ZMAT4: variants seen among roughly 807,000 people sequenced by gnomAD.
ZMAT4 encodes zinc finger matrin-type 4.
A neutral mutation model predicts 28.7 loss-of-function variants in ZMAT4; 17 were observed. The ratio of observed to expected loss-of-function variants is 0.59; its 90% confidence interval spans 0.41 to 0.89. The LOEUF is 0.89. ZMAT4 is among the 40% of genes least tolerant of loss of function. The pLI, the probability that ZMAT4 is intolerant of heterozygous loss-of-function variation, is 0.00. For missense variants in ZMAT4, 240 were observed against 283.8 expected (o/e 0.85, Z 1.11); for synonymous variants, 117 against 109.2 (o/e 1.07, Z -0.44).
At chr8:40,864,482 T>C (rs1434747368) in intron 1 of ZMAT4, among the ~76,000 whole-genome samples, 1 of 151,948 alleles carries the variant, frequency 6.6e-6, no homozygotes, top group Non-Finnish European at 1.5e-5. Flanking sequence ...CCTATGTAGG[T>C]GGGAAAAGAT....
intron 4 of ZMAT4, among the ~76,000 whole-genome samples, chr8:40,683,990 C>T (rs57243936): frequency 0.13 from 19,031 of 151,790 alleles, 1,716 homozygotes; most frequent in East Asian, 0.4. Flanking sequence ...ATTGCTTGAT[C>T]CCATAAGGTC....
At chr8:40,824,425 A>T (rs1385467148) in intron 2 of ZMAT4, among the ~76,000 whole-genome samples, 1 of 152,214 alleles carries the variant, frequency 6.6e-6, no homozygotes, top group African/African-American at 2.4e-5. Context: ...AGCCTGGATG[A>T]CTGAGTGAGA....
chr8:40,774,236 A>T (rs552145808), intron 2 of ZMAT4, among the ~76,000 whole-genome samples: 1 of 152,314 alleles, frequency 6.6e-6, no homozygotes, highest in African/African-American at 2.4e-5. Flanking sequence ...TAGAAATAGG[A>T]ATTGTAGAAA....
At chr8:40,815,975 C>T (rs1283689158) in intron 2 of ZMAT4, among the ~76,000 whole-genome samples, 1 of 152,124 alleles carries the variant, frequency 6.6e-6, no homozygotes, top group Admixed American at 6.6e-5. Context: ...AGTCTTTCCT[C>T]TCCTTCTCTT....
intron 4 of ZMAT4, among the ~76,000 whole-genome samples, chr8:40,694,014 A>G (rs559331148): frequency 5.8e-4 from 89 of 152,348 alleles, no homozygotes; most frequent in African/African-American, 2.1e-3. Context: ...ATACCTGAGC[A>G]AAATTGTTTC....
At chr8:40,644,398 C>A (rs892144811) in intron 5 of ZMAT4, among the ~76,000 whole-genome samples, 1 of 151,838 alleles carries the variant, frequency 6.6e-6, no homozygotes, top group African/African-American at 2.4e-5. Context: ...ACAGAAAAAA[C>A]CACACACACC....
chr8:40,781,723 C>T (rs1211850185), intron 2 of ZMAT4, among the ~76,000 whole-genome samples: 3 of 121,252 alleles, frequency 2.5e-5, no homozygotes, highest in African/African-American at 9.0e-5. Context: ...GATCCCGCCA[C>T]TGCACTCCAG....
At chr8:40,635,664 G>C (rs1806764080) in intron 5 of ZMAT4, among the ~76,000 whole-genome samples, 1 of 152,178 alleles carries the variant, frequency 6.6e-6, no homozygotes, top group Non-Finnish European at 1.5e-5. Flanking sequence ...CTTAAACATA[G>C]AAGTCCGAGG....
intron 5 of ZMAT4, among the ~76,000 whole-genome samples, chr8:40,673,569 C>T (rs1808775694): frequency 6.6e-6 from 1 of 152,058 alleles, no homozygotes. Context: ...TCAATAGCAC[C>T]CCTTGCAGAA....
chr8:40,879,090 G>C (rs972048252), intron 1 of ZMAT4, among the ~76,000 whole-genome samples: 1 of 152,166 alleles, frequency 6.6e-6, no homozygotes, highest in African/African-American at 2.4e-5. Flanking sequence ...GCCTGATGCT[G>C]TCTCCACAGC....
intron 1 of ZMAT4, among the ~76,000 whole-genome samples, chr8:40,838,792 A>C (rs1816593719): frequency 6.6e-6 from 1 of 152,142 alleles, no homozygotes; most frequent in South Asian, 2.1e-4. Flanking sequence ...TTAGGTGGAC[A>C]GTGAAGGAAG....
chr8:40,862,102 T>C (rs187208488), intron 1 of ZMAT4, among the ~76,000 whole-genome samples: 3,384 of 152,226 alleles, frequency 0.022, 131 homozygotes, highest in African/African-American at 0.077. Context: ...ATCATGCTGC[T>C]ATAAAGACAC....
chr8:40,678,591 T>C (rs552187853), intron 4 of ZMAT4, among the ~76,000 whole-genome samples: 3 of 152,194 alleles, frequency 2.0e-5, no homozygotes, highest in Non-Finnish European at 2.9e-5. Flanking sequence ...TTATAAAGCA[T>C]TTACTCACTG....
At chr8:40,851,813 G>A (rs530214615) in intron 1 of ZMAT4, among the ~76,000 whole-genome samples, 79 of 152,222 alleles carry the variant, frequency 5.2e-4, no homozygotes, top group Middle Eastern at 6.8e-3. Flanking sequence ...TATAGTTGTA[G>A]GATGTTAAAT....
intron 3 of ZMAT4, among the ~76,000 whole-genome samples, chr8:40,737,040 A>G (rs1041926010): frequency 3.3e-5 from 5 of 152,344 alleles, no homozygotes; most frequent in African/African-American, 7.2e-5. Context: ...TCCAGAAGTA[A>G]GCAGGAGGTC....
chr8:40,808,695 G>A, intron 2 of ZMAT4: 3 of 304,666 alleles, frequency 9.8e-6, no homozygotes, highest in East Asian at 1.0e-4. Context: ...GGAAAGAGCA[G>A]GCAAATCAGT....
At chr8:40,546,149 A>T (rs2118400856) in intron 6 of ZMAT4, among the ~76,000 whole-genome samples, 1 of 152,126 alleles carries the variant, frequency 6.6e-6, no homozygotes, top group Non-Finnish European at 1.5e-5. Context: ...AGTAAAAAGA[A>T]AAGCAAATTT....
intron 1 of ZMAT4, among the ~76,000 whole-genome samples, chr8:40,862,695 A>G (rs1182670209): frequency 1.3e-5 from 2 of 151,238 alleles, no homozygotes; most frequent in Non-Finnish European, 2.9e-5. Flanking sequence ...GCTGGAAACC[A>G]TCATTCTCAG....
intron 4 of ZMAT4, among the ~76,000 whole-genome samples, chr8:40,677,280 C>G (rs548702212): frequency 7.7e-5 from 11 of 142,984 alleles, no homozygotes; most frequent in African/African-American, 2.9e-4. Context: ...TGTGTATAGT[C>G]TGAAAGTTTA....
Sources: gnomAD v4.1 joint callset for allele counts (sites outside exome capture counted in the v4.1 genomes callset) on GRCh38, gnomAD v4.1.1 for gene constraint, MANE v1.5 for transcripts, NCBI Gene and HGNC (gene_info 2026-07-23, HGNC 2026-07-21) for gene names.